The following ETV6 variants were observed in gnomAD, a reference collection of about 807,000 sequenced individuals.
The protein encoded by ETV6 is ETS variant transcription factor 6, also known as transcription factor ETV6.
A neutral mutation model predicts 51.1 loss-of-function variants in ETV6; 16 were observed. The observed-to-expected ratio is 0.31, with a 90% CI of 0.21 to 0.48. ETV6 has a LOEUF of 0.48. Ranked by LOEUF, ETV6 falls within the 20% of genes least tolerant of loss-of-function variation. ETV6 has a pLI of 0.99. For synonymous variants in ETV6, 240 were observed against 224.1 expected (o/e 1.07, Z -0.64); for missense variants, 458 against 594.8 (o/e 0.77, Z 2.39).
chr12:11,866,951 C>G (rs1946798417), intron 4 of ETV6, among the ~76,000 whole-genome samples: 1 of 152,234 alleles, frequency 6.6e-6, no homozygotes, highest in Admixed American at 6.5e-5. Flanking sequence ...CTATCTCAAG[C>G]AACTTTCTGT....
intron 1 of ETV6, among the ~76,000 whole-genome samples, chr12:11,675,885 G>GGAGAA (rs1031616739): frequency 2.0e-4 from 31 of 151,534 alleles, no homozygotes; most frequent in African/African-American, 6.1e-4. Flanking sequence ...GAAGGGAGAG[G>GGAGAA]GAGAAGGAGG....
intron 2 of ETV6, among the ~76,000 whole-genome samples, chr12:11,784,858 G>A (rs938768165): frequency 8.7e-6 from 1 of 114,762 alleles, no homozygotes; most frequent in African/African-American, 3.6e-5. Context: ...CCCGTGCCTT[G>A]CTAATTTTTT....
chr12:11,765,765 A>G (rs1224706045), intron 2 of ETV6, among the ~76,000 whole-genome samples: 1 of 152,036 alleles, frequency 6.6e-6, no homozygotes, highest in Non-Finnish European at 1.5e-5. Context: ...CTTTGGTAAC[A>G]TACGTGCTTT....
intron 2 of ETV6, among the ~76,000 whole-genome samples, chr12:11,759,411 G>A (rs1945050444): frequency 6.6e-6 from 1 of 152,106 alleles, no homozygotes; most frequent in South Asian, 2.1e-4. Flanking sequence ...TTGACAATGG[G>A]TTGTCCCTAC....
chr12:11,763,123 A>T (rs985434291), intron 2 of ETV6, among the ~76,000 whole-genome samples: 3 of 152,044 alleles, frequency 2.0e-5, no homozygotes, highest in African/African-American at 7.2e-5. Context: ...CGGGGAGAAA[A>T]TGCTTTCCTT....
chr12:11,730,936 G>A (rs759030312), intron 1 of ETV6, among the ~76,000 whole-genome samples: 55 of 152,180 alleles, frequency 3.6e-4, no homozygotes, highest in Non-Finnish European at 7.2e-4. Flanking sequence ...TAGAGGCCCA[G>A]TGACATGTTC....
At chr12:11,766,783 G>C (rs763019820) in intron 2 of ETV6, among the ~76,000 whole-genome samples, 48 of 152,170 alleles carry the variant, frequency 3.2e-4, no homozygotes, top group Non-Finnish European at 6.2e-4. Flanking sequence ...GGCAGTCAGG[G>C]GAGAATGCAG....
chr12:11,742,406 A>T (rs903260826), intron 1 of ETV6, among the ~76,000 whole-genome samples: 1 of 152,254 alleles, frequency 6.6e-6, no homozygotes, highest in Non-Finnish European at 1.5e-5. Context: ...AGAATCAGGA[A>T]ATTTCTATGA....
chr12:11,859,140 T>C (rs1182956061), intron 4 of ETV6, among the ~76,000 whole-genome samples: 1,194 of 105,858 alleles, frequency 0.011, 117 homozygotes, highest in African/African-American at 0.046. Context: ...TTTTTTTTTT[T>C]TTTTTTTTTT....
At chr12:11,793,746 G>A (rs997803915) in intron 2 of ETV6, among the ~76,000 whole-genome samples, 8 of 152,196 alleles carry the variant, frequency 5.3e-5, no homozygotes, top group Non-Finnish European at 1.2e-4. Context: ...GTTACCTTGC[G>A]TAGCGCTATG....
At chr12:11,713,296 A>G (rs879674972) in intron 1 of ETV6, among the ~76,000 whole-genome samples, 1 of 152,170 alleles carries the variant, frequency 6.6e-6, no homozygotes, top group Non-Finnish European at 1.5e-5. Context: ...TTTGCTTTCA[A>G]ATGTTTGGTA....
At chr12:11,883,282 T>TC (rs1947132075) in intron 5 of ETV6, among the ~76,000 whole-genome samples, 1 of 10,050 alleles carries the variant, frequency 1.0e-4, no homozygotes, top group African/African-American at 2.4e-4. Context: ...TCTTCTTTTT[T>TC]TTTTTTTTTT....
intron 2 of ETV6, among the ~76,000 whole-genome samples, chr12:11,825,116 G>T (rs766389114): frequency 9.9e-5 from 15 of 152,106 alleles, no homozygotes; most frequent in Admixed American, 2.0e-4. Context: ...ACCTCCAAAT[G>T]AGCTAAAAGG....
intron 2 of ETV6, among the ~76,000 whole-genome samples, chr12:11,791,853 G>A (rs1398946507): frequency 6.6e-6 from 1 of 151,922 alleles, no homozygotes; most frequent in Non-Finnish European, 1.5e-5. Context: ...GATTCACCTG[G>A]TGGTCGTTTA....
chr12:11,692,090 G>A (rs1439181520), intron 1 of ETV6, among the ~76,000 whole-genome samples: 1 of 152,190 alleles, frequency 6.6e-6, no homozygotes, highest in Non-Finnish European at 1.5e-5. Context: ...ATTGACACAT[G>A]GGGCCTTTAA....
At chr12:11,885,059 G>A (rs1947164323) in intron 6 of ETV6, among the ~76,000 whole-genome samples, 1 of 152,200 alleles carries the variant, frequency 6.6e-6, no homozygotes, top group Non-Finnish European at 1.5e-5. Context: ...AGCAAGCGAT[G>A]CAAGAAGTTT....
chr12:11,700,781 CAG>C (rs1864964994), intron 1 of ETV6, among the ~76,000 whole-genome samples: 2 of 152,082 alleles, frequency 1.3e-5, no homozygotes, highest in Admixed American at 6.5e-5. Flanking sequence ...CTTGCTGTCT[CAG>C]GGTGGCAGAG....
chr12:11,738,537 G>T, intron 1 of ETV6, among the ~76,000 whole-genome samples: 1 of 151,566 alleles, frequency 6.6e-6, no homozygotes, highest in Non-Finnish European at 1.5e-5. Flanking sequence ...AAACTCCTGG[G>T]CTCAAGTGAT....
At chr12:11,761,467 T>C (rs1945085189) in intron 2 of ETV6, among the ~76,000 whole-genome samples, 1 of 152,244 alleles carries the variant, frequency 6.6e-6, no homozygotes, top group Non-Finnish European at 1.5e-5. Context: ...TTTAAAGAGA[T>C]GATCTACCTC....
Sources: gnomAD v4.1 joint callset for allele counts (sites outside exome capture counted in the v4.1 genomes callset) on GRCh38, gnomAD v4.1.1 for gene constraint, MANE v1.5 for transcripts, NCBI Gene and HGNC (gene_info 2026-07-23, HGNC 2026-07-21) for gene names.